DMD: variants seen among roughly 807,000 people sequenced by gnomAD.
DMD encodes the protein dystrophin, also known as mutant dystrophin.
A neutral mutation model predicts 330.1 loss-of-function variants in DMD; 63 were observed. The observed-to-expected ratio is 0.19, with a 90% CI of 0.16 to 0.24. The LOEUF (loss-of-function observed/expected upper bound fraction) is 0.24. Among genes scored for constraint, DMD ranks in the 10% least tolerant of loss-of-function variants. The probability of loss-of-function intolerance (pLI) is 1.00; values close to 1 mark genes in which losing one functional copy is unlikely to be tolerated. For synonymous variants in DMD, 1,223 were observed against 959.8 expected (o/e 1.27, Z -5.07); for missense variants, 3,344 against 2,684.1 (o/e 1.25, Z -5.43).
intron 1 of DMD, among the ~76,000 whole-genome samples, chrX:33,222,947 T>A (rs1264509858): frequency 8.9e-6 from 1 of 112,139 alleles, no homozygotes; most frequent in East Asian, 2.8e-4. Flanking sequence ...TCTCAGTAGT[T>A]ACTTTGCAGA....
rs190060911 is a variant in DMD at position 32,412,422 on chromosome X, A to T, written c.4072-509T>A. Among the ~76,000 whole-genome samples the T allele has an allele frequency of 2.7e-5, 3 of 112,327 alleles. No homozygotes were observed. In the East Asian group the frequency reaches 8.4e-4, roughly 31 times the overall value. ...ACAGTCTGGTTAAAGATTTATTTTGAATACTATTTCAACCAGCTTTGCATG... is the reference window on the plus strand; with the variant it reads ...ACAGTCTGGTTAAAGATTTATTTTGTATACTATTTCAACCAGCTTTGCATG... On this transcript the variant is annotated intron_variant, in intron 29 of 78. Coordinates refer to ENST00000357033, the MANE Select transcript of DMD (RefSeq NM_004006.3).
At chrX:32,532,983 C>T (rs918956260) in intron 17 of DMD, among the ~76,000 whole-genome samples, 13 of 112,096 alleles carry the variant, frequency 1.2e-4, no homozygotes, top group African/African-American at 3.6e-4. Context: ...CATGCTCATT[C>T]ATTTATACAT....
chrX:32,709,066 T>A (rs116689887), intron 7 of DMD, among the ~76,000 whole-genome samples: 1,905 of 112,193 alleles, frequency 0.017, 46 homozygotes, highest in African/African-American at 0.058. Context: ...TAACCCATTT[T>A]CAAATTACAA....
chrX:32,545,291 G>A lies in DMD; in HGVS notation c.2036C>T (p.Thr679Ile), dbSNP rs752538981. The A allele has an allele frequency of 8.3e-7, 1 of 1,208,846 alleles. No homozygotes were observed. The highest frequency in any genetic ancestry group is 1.8e-5 in the African/African-American group (1 of 57,027). ...CGTAGTTACTGTTTCCATTACAGTT[G>A]TCTGTGTTAGTGATGGCTGAGTGGT... ...VTTTQPSLTQ[T>I]TVMETVTTVT... is the part of the protein sequence containing the mutation. The change falls in exon 17 of 79, where the codon ACA (threonine) becomes ATA (isoleucine). Residue 679 changes from threonine (T) to isoleucine (I), a missense_variant. Transcript: ENST00000357033.
At chrX:32,565,639 C>T in intron 16 of DMD, 63 bp downstream of exon 16, 2 of 1,099,201 alleles carry the variant, frequency 1.8e-6, no homozygotes, top group South Asian at 3.7e-5. Flanking sequence ...TAATGTCACT[C>T]TCTTAATGCA....
intron 53 of DMD, among the ~76,000 whole-genome samples, chrX:31,677,055 C>T (rs1281280115): frequency 1.7e-5 from 1 of 59,398 alleles, no homozygotes; most frequent in Non-Finnish European, 3.0e-5. Context: ...TAGTTTTAGA[C>T]CATTCCAAAG....
chrX:31,315,277 A>AC (rs1264119519), intron 62 of DMD, among the ~76,000 whole-genome samples: 1 of 112,536 alleles, frequency 8.9e-6, no homozygotes, highest in Admixed American at 9.4e-5. Flanking sequence ...AAAAACCTGA[A>AC]CACTCAGTAT....
intron 16 of DMD, among the ~76,000 whole-genome samples, chrX:32,565,006 T>A (rs1205452198): frequency 8.9e-6 from 1 of 111,837 alleles, no homozygotes; most frequent in Non-Finnish European, 1.9e-5. Flanking sequence ...TGACTACTCA[T>A]TATTCTACCA....
chrX:32,616,563 T>A (rs56231426), intron 11 of DMD, among the ~76,000 whole-genome samples: 1 of 110,398 alleles, frequency 9.1e-6, no homozygotes, highest in Non-Finnish European at 1.9e-5. Flanking sequence ...CAGTGTTTTT[T>A]GTTTAGAGCG....
At chrX:32,313,263 G>T (rs2148618179) in intron 41 of DMD, among the ~76,000 whole-genome samples, 1 of 111,066 alleles carries the variant, frequency 9.0e-6, no homozygotes, top group South Asian at 3.8e-4. Flanking sequence ...ATCAATAAAT[G>T]TAACCCATCA....
At chrX:32,430,307 T>C (rs967556205) in intron 29 of DMD, among the ~76,000 whole-genome samples, 1 of 111,860 alleles carries the variant, frequency 8.9e-6, no homozygotes. Context: ...CTTTGCCTGT[T>C]ATATAATGTG....
intron 44 of DMD, among the ~76,000 whole-genome samples, chrX:31,988,428 C>T (rs751790910): frequency 2.1e-4 from 17 of 79,619 alleles, no homozygotes; most frequent in Non-Finnish European, 4.4e-5. Flanking sequence ...GAGCCGAGAT[C>T]ATGCCACTGC....
chrX:31,739,868 C>G (rs1267323382), intron 51 of DMD, among the ~76,000 whole-genome samples: 5 of 105,595 alleles, frequency 4.7e-5, no homozygotes, highest in Admixed American at 1.0e-4. Context: ...ACCTCTTAAG[C>G]CTACCAAATT....
At position 32,479,344 on chromosome X, in the gene DMD, T is replaced by C. The variant is rs191151810; in HGVS notation, c.2803+5575A>G. 6.2e-3 allele frequency among the ~76,000 whole-genome samples: 686 copies of C among 111,142 alleles called. 1 individual carries two copies. The highest frequency in any genetic ancestry group is 0.012 in the African/African-American group (370 of 30,677). ...GAAACATAGATTTTTATTAACTGTG[T>C]CCACCACGCAGTACTAGAGATCGCT... On this transcript the variant is annotated intron_variant, in intron 21 of 78. Transcript: ENST00000357033.
At chrX:31,571,254 GGTGTGTGTGTGTGTGTGT>G (rs371098859) in intron 55 of DMD, among the ~76,000 whole-genome samples, 1 of 90,444 alleles carries the variant, frequency 1.1e-5, no homozygotes, top group Non-Finnish European at 2.1e-5. Flanking sequence ...GATTTAAAGG[GGTGTGTGTGTGTGTGTGT>G]GTGTGTGTGT....
chrX:31,923,594 C>CTTTTTTT (rs746084752), intron 47 of DMD, among the ~76,000 whole-genome samples: 1 of 76,225 alleles, frequency 1.3e-5, no homozygotes, highest in African/African-American at 6.0e-5. Flanking sequence ...GGTGAACACC[C>CTTTTTTT]TTTTTTTTTT....
chrX:32,324,009 T>C (rs1047608303), intron 41 of DMD, among the ~76,000 whole-genome samples: 43 of 110,663 alleles, frequency 3.9e-4, no homozygotes, highest in Admixed American at 6.8e-4. Context: ...GTGGGCGGAA[T>C]GGGTGAAGAG....
chrX:33,247,727 G>T (rs750419002), intron 1 of DMD, among the ~76,000 whole-genome samples: 2 of 111,918 alleles, frequency 1.8e-5, no homozygotes, highest in South Asian at 7.3e-4. Context: ...ATCCTGAATA[G>T]TGATTTTATG....
chrX:33,003,241 A>T (rs182966431), intron 2 of DMD, among the ~76,000 whole-genome samples: 1 of 111,495 alleles, frequency 9.0e-6, no homozygotes, highest in African/African-American at 3.3e-5. Flanking sequence ...GTGAGAACAT[A>T]CGGTGTTTGG....
Sources: allele counts gnomAD v4.1 joint callset (sites outside exome capture counted in the v4.1 genomes callset), GRCh38; gene constraint gnomAD v4.1.1; transcripts MANE v1.5; gene names NCBI Gene and HGNC (gene_info 2026-07-23, HGNC 2026-07-21).